The following SLC47A1 variants were observed in gnomAD, a reference collection of about 807,000 sequenced individuals.
SLC47A1 encodes multidrug and toxin extrusion protein 1.
A neutral mutation model predicts 65.8 loss-of-function variants in SLC47A1; 58 were observed. The ratio of observed to expected loss-of-function variants is 0.88; its 90% CI spans 0.71 to 1.10. The LOEUF is 1.10. Ranked by LOEUF, SLC47A1 falls within the 50% of genes least tolerant of loss-of-function variation. SLC47A1 has a pLI of 0.00. For synonymous variants in SLC47A1, 285 were observed against 295.0 expected (o/e 0.97, Z 0.35); for missense variants, 706 against 719.2 (o/e 0.98, Z 0.21).
At chr17:19,545,946 C>T (rs539989804) in intron 2 of SLC47A1, among the ~76,000 whole-genome samples, 28 of 152,138 alleles carry the variant, frequency 1.8e-4, no homozygotes, top group South Asian at 4.2e-4. Context: ...TTCTAGGCCG[C>T]GCGCTGTGGC....
In SLC47A1 at chr17:19,559,989, T is replaced by G. The variant is rs540148663; in HGVS notation, c.922-199T>G. The G allele has an allele frequency of 5.4e-6, 3 of 557,748 alleles. No homozygotes were observed. In the South Asian group the frequency reaches 6.4e-5, roughly 12 times the overall value. The allele number at this position is 557,748 out of a possible 1,614,324, so 34.5% of individuals were successfully genotyped here. The stretch of plus-strand genomic sequence containing the variant: ...CTCTGCAGCAAAGCCCAGTTTGTGC[T>G]AAGCATCGTAACCTGGGGCTCAGTT... On this transcript the variant is annotated intron_variant, in intron 10 of 16. Coordinates refer to ENST00000270570, the MANE Select transcript of SLC47A1 (RefSeq NM_018242.3).
rs554360974 is a variant in SLC47A1 at position 19,563,815 on chromosome 17, T to C, written c.1107-2975T>C. The stretch of plus-strand genomic sequence containing the variant: ...CATCCTGGCTAACATGGTGAAACCC[T>C]GTCTCTACTAAAAAATACAAAAAAT... On this transcript the variant is annotated intron_variant, in intron 12 of 16. Coordinates refer to ENST00000270570, the MANE Select transcript of SLC47A1 (RefSeq NM_018242.3). Among the ~76,000 whole-genome samples the C allele has an allele frequency of 3.3e-3, 503 of 150,718 alleles. 6 individuals are homozygous for C. Among genetic ancestry groups the C allele is most frequent in the African/African-American group, 0.011 (466 of 41,048 alleles).
Position 19,548,047 on chromosome 17 carries a change from G to A in SLC47A1, c.369G>A (p.Leu123=). The change falls in exon 4 of 17, where the codon CTG becomes CTA. Residue 123 remains leucine (L), a synonymous_variant. Transcript: ENST00000270570. The part of the protein sequence containing the change: ...GVILQRSALV[L]LLCCFPCWAL... ...TCCTGCAGCGGAGTGCGCTCGTCCT[G>A]CTCCTCTGCTGCTTCCCCTGCTGGG... The A allele has an allele frequency of 1.2e-6, 2 of 1,614,112 alleles. No homozygotes were observed. Among genetic ancestry groups the A allele is most frequent in the Non-Finnish European group, 1.7e-6 (2 of 1,180,026 alleles).
chr17:19,544,853 T>C (rs1010757929), intron 2 of SLC47A1, among the ~76,000 whole-genome samples: 1 of 152,200 alleles, frequency 6.6e-6, no homozygotes, highest in Non-Finnish European at 1.5e-5. Context: ...AACTTGTACA[T>C]GTCCTTACCC....
At chr17:19,556,846 C>T (rs1438329555) in intron 10 of SLC47A1, among the ~76,000 whole-genome samples, 1 of 152,172 alleles carries the variant, frequency 6.6e-6, no homozygotes, top group African/African-American at 2.4e-5. Context: ...CGTGAGCCAC[C>T]GCGCCTGACT....
intron 12 of SLC47A1, among the ~76,000 whole-genome samples, chr17:19,566,354 C>A (rs116676738): frequency 0.01 from 1,536 of 152,268 alleles, 19 homozygotes; most frequent in African/African-American, 0.034. Context: ...CCTCTATGGA[C>A]CCAGCAACAG....
chr17:19,537,315 C>T (rs753636034), intron 1 of SLC47A1, among the ~76,000 whole-genome samples: 13 of 152,152 alleles, frequency 8.5e-5, no homozygotes, highest in Non-Finnish European at 1.5e-4. Context: ...CCGCTTTACC[C>T]GGGACACACA....
At chr17:19,554,210 G>T (rs1456773046) in intron 6 of SLC47A1, among the ~76,000 whole-genome samples, 1 of 152,166 alleles carries the variant, frequency 6.6e-6, no homozygotes, top group Non-Finnish European at 1.5e-5. Flanking sequence ...GGTTTGATAG[G>T]CGCTGAGCAG....
chr17:19,570,644 C>T lies in SLC47A1; in HGVS notation c.1310-834C>T, dbSNP rs191853017. On this transcript the variant is annotated intron_variant, in intron 14 of 16. Coordinates refer to ENST00000270570, the MANE Select transcript of SLC47A1 (RefSeq NM_018242.3). ...CTTCCTGGATTGTTACCAAAGGCAGCGATCTTGCTTCCTGCAAGTCTGATT... is the reference window on the plus strand; with the variant it reads ...CTTCCTGGATTGTTACCAAAGGCAGTGATCTTGCTTCCTGCAAGTCTGATT... Among the ~76,000 whole-genome samples, 3 of 152,292 alleles carry T rather than the reference C, an allele frequency of 2.0e-5. No individual in the cohort carries two copies. The East Asian group carries it at 5.8e-4, about 29-fold the overall frequency.
At chr17:19,569,626 A>AT (rs1344838896) in intron 14 of SLC47A1, among the ~76,000 whole-genome samples, 1 of 152,234 alleles carries the variant, frequency 6.6e-6, no homozygotes, top group Non-Finnish European at 1.5e-5. Context: ...AACCTCAGGA[A>AT]ATCATAATGA....
intron 14 of SLC47A1, chr17:19,567,982 C>G (rs1013110214): frequency 2.0e-5 from 3 of 152,306 alleles, no homozygotes; most frequent in Admixed American, 2.0e-4. Flanking sequence ...ATTACCAGAG[C>G]TAATCTTTTT....
At chr17:19,552,147 G>A (rs969420239) in intron 6 of SLC47A1, among the ~76,000 whole-genome samples, 1 of 152,212 alleles carries the variant, frequency 6.6e-6, no homozygotes, top group Non-Finnish European at 1.5e-5. Context: ...AGGAGGGGAG[G>A]AGGAAGAAAG....
intron 1 of SLC47A1, 67 bp downstream of exon 1, chr17:19,534,141 G>A (rs1915924675): frequency 2.1e-6 from 3 of 1,431,496 alleles, no homozygotes; most frequent in Admixed American, 2.5e-5. Flanking sequence ...TTCTGCCTCC[G>A]CGGGTGACTT....
intron 13 of SLC47A1, 97 bp from the exon 14 acceptor site, chr17:19,566,998 AC>A: frequency 6.3e-7 from 1 of 1,597,676 alleles, no homozygotes; most frequent in Non-Finnish European, 8.6e-7. Flanking sequence ...CTGTCACCTT[AC>A]CATGGATTTT....
chr17:19,575,401 CTT>C (rs1215041320), intron 16 of SLC47A1, among the ~76,000 whole-genome samples: 55 of 137,052 alleles, frequency 4.0e-4, no homozygotes, highest in Middle Eastern at 3.8e-3. Flanking sequence ...ATTATTATTC[CTT>C]TTTTTTTTTT....
intron 6 of SLC47A1, among the ~76,000 whole-genome samples, chr17:19,553,352 C>T (rs772603383): frequency 1.2e-4 from 18 of 152,258 alleles, no homozygotes; most frequent in Admixed American, 3.3e-4. Flanking sequence ...TGCTCCTCTG[C>T]CTTCCATTCC....
chr17:19,537,087 T>C (rs1275843528), intron 1 of SLC47A1, among the ~76,000 whole-genome samples: 1 of 152,226 alleles, frequency 6.6e-6, no homozygotes, highest in African/African-American at 2.4e-5. Flanking sequence ...TCTCATCACC[T>C]GGCTGAATCA....
At chr17:19,539,673 A>T (rs1321205146) in intron 1 of SLC47A1, among the ~76,000 whole-genome samples, 1 of 152,050 alleles carries the variant, frequency 6.6e-6, no homozygotes, top group Admixed American at 6.6e-5. Flanking sequence ...TTTAGTAGAG[A>T]TGGGGCTTCA....
chr17:19,534,404 C>G (rs955726788), intron 1 of SLC47A1: 1 of 263,502 alleles, frequency 3.8e-6, no homozygotes, highest in Admixed American at 5.5e-5. Context: ...TTGCCCCTAA[C>G]GGGGCTCTAC....
Sources: allele counts gnomAD v4.1 joint callset (sites outside exome capture counted in the v4.1 genomes callset), GRCh38; gene constraint gnomAD v4.1.1; transcripts MANE v1.5; gene names NCBI Gene and HGNC (gene_info 2026-07-23, HGNC 2026-07-21).